The following CTSZ variants were observed in gnomAD, a reference collection of about 807,000 sequenced individuals.
The protein encoded by CTSZ is carboxypeptidase LB.
Under a neutral mutation model 32.4 loss-of-function variants are expected in CTSZ, and 39 were observed. The observed-to-expected ratio is 1.20, with a 90% confidence interval of 0.93 to 1.57. The LOEUF is 1.57. CTSZ is among the 40% of genes most tolerant of loss of function. The pLI is 0.00. For synonymous variants in CTSZ, 168 were observed against 170.1 expected, an observed-to-expected ratio of 0.99 and a Z score of 0.10; for missense variants, 397 against 419.6, an observed-to-expected ratio of 0.95 and a Z score of 0.47.
Position 58,997,700 on chromosome 20 carries a change from C to T in CTSZ, c.541G>A (p.Ala181Thr), listed in dbSNP as rs1334279300. ...GTCNEFKECH[A>T]IRNYTLWRVG... Reference sequence around the variant, plus strand: ...CTCCAGAGGGTGTAGTTCCGGATGGCGTGGCACTCTTTGAATTCATTGCAT... The same window carrying T: ...CTCCAGAGGGTGTAGTTCCGGATGGTGTGGCACTCTTTGAATTCATTGCAT... The change falls in exon 4 of 6, where the codon GCC (alanine) becomes ACC (threonine). Residue 181 changes from alanine to threonine, a missense_variant. Ala to Thr is a moderately conservative substitution (Grantham distance 58). Transcript: ENST00000217131. 8 of 1,608,596 alleles carry T rather than the reference C, an allele frequency of 5.0e-6. No individual in the cohort carries two copies. The highest frequency in any genetic ancestry group is 5.9e-6 in the Non-Finnish European group (7 of 1,177,564).
At position 59,002,861 on chromosome 20, in the gene CTSZ, C is replaced by G. The variant is rs1298393988; in HGVS notation, c.308-1217G>C. Among the ~76,000 whole-genome samples, 1 of 152,086 alleles carries G rather than the reference C, an allele frequency of 6.6e-6. No individual in the cohort carries two copies. Among genetic ancestry groups the G allele is most frequent in the African/African-American group, 2.4e-5 (1 of 41,408 alleles). On this transcript the variant is annotated intron_variant, in intron 2 of 5. Transcript: ENST00000217131. This position sits in a 1 kb window ranked among gnomAD's most constrained non-coding sequence, Gnocchi z 4.1. Reference sequence around the variant, plus strand: ...CTTGGCTCCCTCCAGCTTTCCTTCTCCCCGCTCCCTTGTCAGCTATGCCCC... The same window carrying G: ...CTTGGCTCCCTCCAGCTTTCCTTCTGCCCGCTCCCTTGTCAGCTATGCCCC...
chr20:58,995,384 C>T lies in CTSZ; in HGVS notation c.*265G>A, dbSNP rs1569061425. 5 of 398,440 alleles carry T rather than the reference C, an allele frequency of 1.3e-5. No homozygotes were observed. The highest frequency in any genetic ancestry group is 1.2e-4 in the East Asian group (3 of 24,344). 24.7% of individuals were successfully genotyped at this position (398,440 alleles called of 1,614,324 possible). On this transcript the variant is annotated 3_prime_UTR_variant, in exon 6 of 6. Transcript: ENST00000217131. ...GTCCTCTGCTGAAGAAGACTGAGGT[C>T]CCATCGTTTCCTGTGTCGCAGGTCA...
At chr20:59,006,728 C>T (rs962822372) in intron 1 of CTSZ, among the ~76,000 whole-genome samples, 3 of 152,210 alleles carry the variant, frequency 2.0e-5, no homozygotes, top group Non-Finnish European at 4.4e-5. Context: ...CCAGCCATGC[C>T]GCGCCGTAAG....
At chr20:59,001,167 T>A (rs1051250920) in intron 3 of CTSZ, among the ~76,000 whole-genome samples, 1 of 152,144 alleles carries the variant, frequency 6.6e-6, no homozygotes, top group Non-Finnish European at 1.5e-5. Flanking sequence ...AGCAGGCTTT[T>A]TCGTTGGGCT....
chr20:59,006,923 G>A lies in CTSZ; in HGVS notation c.143+63C>T, dbSNP rs1023984727. On this transcript the variant is annotated intron_variant, in intron 1 of 5. Transcript: ENST00000217131. ...ACGCAGGGCCCCCAGGAGGCAGAGC[G>A]CGCGCCTGGCCCGGGCGATGGGCCT... 5 of 1,306,196 alleles carry A rather than the reference G, an allele frequency of 3.8e-6. No homozygotes were observed. In the African/African-American group the frequency reaches 6.3e-5, roughly 16 times the overall value. 80.9% of individuals were successfully genotyped at this position (1,306,196 alleles called of 1,614,324 possible).
chr20:58,997,820 C>A (rs2091869046), intron 3 of CTSZ, 67 bp from the exon 4 acceptor site: 1 of 1,432,150 alleles, frequency 7.0e-7, no homozygotes, highest in African/African-American at 1.4e-5. Context: ...AAGAAGCCCG[C>A]CAAGCCCACT....
rs577343015 is a variant in CTSZ, at chr20:59,007,241, C to T, written c.-113G>A. On this transcript the variant is annotated 5_prime_UTR_variant, in exon 1 of 6. Transcript: ENST00000217131. ...CCTCGGCCTCGGCCCAGCACCCGGC[C>T]GACCCCGCACTTTGGGCCCCTGCCC... 1.7e-5 allele frequency: 21 copies of T among 1,226,350 alleles called. No homozygotes were observed. Among genetic ancestry groups the T allele is most frequent in the East Asian group, 3.4e-5 (1 of 29,332 alleles). 76.0% of individuals were successfully genotyped at this position (1,226,350 alleles called of 1,614,324 possible).
Position 58,996,637 on chromosome 20 carries a change from A to G in CTSZ, c.801+2T>C. The G allele has an allele frequency of 6.2e-7, 1 of 1,613,988 alleles. No individual in the cohort carries two copies. Among genetic ancestry groups the G allele is most frequent in the South Asian group, 1.1e-5 (1 of 91,080 alleles). ...GACCTTAAGAAAATGAAAACATCTT[A>G]CCCATGGTTCACCCCATGAATTCCG... On this transcript the variant is annotated splice_donor_variant, in intron 5 of 5. Coordinates refer to ENST00000217131, the MANE Select transcript of CTSZ (RefSeq NM_001336.4). LOFTEE classifies it high-confidence loss of function.
intron 3 of CTSZ, among the ~76,000 whole-genome samples, chr20:58,999,868 G>C (rs977499530): frequency 6.6e-6 from 1 of 151,908 alleles, no homozygotes; most frequent in Non-Finnish European, 1.5e-5. Flanking sequence ...AGGAGATCAA[G>C]ACCATCCTGG....
In CTSZ at chr20:58,995,749, C is replaced by A; in HGVS notation, c.812G>T (p.Gly271Val). The change falls in exon 6 of 6, where the codon GGC (glycine) becomes GTC (valine). Residue 271 changes from glycine to valine, a missense_variant. Physicochemically the swap from Gly to Val is moderately radical, Grantham distance 109. Coordinates refer to ENST00000217131, the MANE Select transcript of CTSZ (RefSeq NM_001336.4). Reference protein sequence around the residue: ...NSWGEPWGERGWLRIVTSTYK... With the variant: ...NSWGEPWGERVWLRIVTSTYK... Reference sequence around the variant, plus strand: ...GGTGCTGGTCACGATCCTCAGCCAGCCTCTCTCGCCCTGTGAGAAGTGGGA... The same window carrying A: ...GGTGCTGGTCACGATCCTCAGCCAGACTCTCTCGCCCTGTGAGAAGTGGGA... 1 of 1,614,090 alleles carries A rather than the reference C, an allele frequency of 6.2e-7. No individual in the cohort carries two copies. Among genetic ancestry groups the A allele is most frequent in the Non-Finnish European group, 8.5e-7 (1 of 1,179,976 alleles).
intron 2 of CTSZ, among the ~76,000 whole-genome samples, chr20:59,003,536 G>A (rs1490208153): frequency 1.3e-5 from 2 of 152,238 alleles, no homozygotes; most frequent in Non-Finnish European, 2.9e-5. Flanking sequence ...ACTTACGAGG[G>A]GGTTGTCGGG....
chr20:59,003,980 T>A (rs1418034693), intron 2 of CTSZ, among the ~76,000 whole-genome samples: 1 of 152,102 alleles, frequency 6.6e-6, no homozygotes, highest in East Asian at 1.9e-4. Context: ...TGGGGCGGTG[T>A]GGCTTAGACC....
Position 58,997,756 on chromosome 20 carries a change from G to C in CTSZ, c.488-3C>G. 1.3e-6 allele frequency: 2 copies of C among 1,592,050 alleles called. No individual in the cohort carries two copies. Among genetic ancestry groups the C allele is most frequent in the Admixed American group, 1.8e-5 (1 of 56,386 alleles). On this transcript the variant is annotated splice_region_variant and splice_polypyrimidine_tract_variant and intron_variant, in intron 3 of 5. Transcript: ENST00000217131. The stretch of plus-strand genomic sequence containing the variant: ...ACATTGGTTAAACTTGTCACACTCT[G>C]GGGGAGAGCAAGAAAAGTCAGCATG...
At position 59,004,130 on chromosome 20, in the gene CTSZ, GAC is replaced by G. The variant is rs2091900205; in HGVS notation, c.307+2190_307+2191del. ...AGGCTTTTGCCTGCATAGCCGGAAG[GAC>G]AGCCAGGGAGGACTGGGGAAGAAAT... On this transcript the variant is annotated intron_variant, in intron 2 of 5. Transcript: ENST00000217131. The surrounding 1 kb of genome is among the most constrained non-coding windows in gnomAD (Gnocchi z 5.6). Among the ~76,000 whole-genome samples the G allele has an allele frequency of 6.6e-6, 1 of 152,232 alleles. No individual in the cohort carries two copies. The highest frequency in any genetic ancestry group is 1.5e-5 in the Non-Finnish European group (1 of 68,032).
At chr20:58,998,237 A>G (rs1349388774) in intron 3 of CTSZ, among the ~76,000 whole-genome samples, 2 of 151,732 alleles carry the variant, frequency 1.3e-5, no homozygotes, top group Non-Finnish European at 2.9e-5. Context: ...TTAAGAGGTT[A>G]TCAAGAATTA....
In CTSZ at chr20:58,997,633, A is replaced by G. The variant is rs773178480; in HGVS notation, c.608T>C (p.Met203Thr). The change falls in exon 4 of 6, where the codon ATG (methionine) becomes ACG (threonine). Residue 203 changes from methionine (M) to threonine (T), a missense_variant. Met to Thr is a moderately conservative substitution (Grantham distance 81, BLOSUM62 -1). Coordinates refer to ENST00000217131, the MANE Select transcript of CTSZ (RefSeq NM_001336.4). ...YGSLSGREKM[M>T]AEIYANGPIS... ...GGGACCATTTGCATAGATTTCTGCC[A>G]TCATCTTCTCCCTCCCAGAGAGGGA... 5.0e-6 allele frequency: 8 copies of G among 1,603,612 alleles called. No homozygotes were observed. Among genetic ancestry groups the G allele is most frequent in the South Asian group, 1.1e-5 (1 of 88,936 alleles).
At position 58,997,584 on chromosome 20, in the gene CTSZ, C is replaced by T. The variant is rs145264817; in HGVS notation, c.638+19G>A. 8.7e-5 allele frequency: 133 copies of T among 1,529,394 alleles called. No individual in the cohort carries two copies. The African/African-American group carries it at 1.6e-3, about 18-fold the overall frequency. The allele number at this position is 1,529,394 out of a possible 1,614,324, so 94.7% of individuals were successfully genotyped here. On this transcript the variant is annotated intron_variant, in intron 4 of 5. Transcript: ENST00000217131. ...TCCTCACCCGCAAACCTCTCTTTGC[C>T]CGCGGGACCTCTCCTCACCTGATGG... is the stretch of plus-strand genomic sequence containing the variant.
rs1265779805 is a variant in CTSZ, at chr20:59,002,213, G to A, written c.308-569C>T. On this transcript the variant is annotated intron_variant, in intron 2 of 5. Transcript: ENST00000217131. The surrounding 1 kb of genome is among the most constrained non-coding windows in gnomAD (Gnocchi z 4.1). Reference sequence around the variant, plus strand: ...GGATGCAGAGGGCTCCCAGCGGCTGGCTGACCATGCCCTCACTGCCCAGGT... The same window carrying A: ...GGATGCAGAGGGCTCCCAGCGGCTGACTGACCATGCCCTCACTGCCCAGGT... Among the ~76,000 whole-genome samples, 3 of 152,190 alleles carry A rather than the reference G, an allele frequency of 2.0e-5. No homozygotes were observed.
In CTSZ at chr20:59,007,061, C is replaced by A. The variant is rs1425887224; in HGVS notation, c.68G>T (p.Gly23Val). 6.8e-7 allele frequency: 1 copy of A among 1,465,034 alleles called. No individual in the cohort carries two copies. Among genetic ancestry groups the A allele is most frequent in the Non-Finnish European group, 9.0e-7 (1 of 1,114,572 alleles). 90.8% of individuals were successfully genotyped at this position (1,465,034 alleles called of 1,614,324 possible). The change falls in exon 1 of 6, where the codon GGC becomes GTC. Residue 23 changes from glycine to valine, a missense_variant. Gly to Val is a moderately radical substitution (Grantham distance 109). Transcript: ENST00000217131. ...CTGTCCCCGGCGGAAGTAGAGGCCG[C>A]CCTGCGCCGCGCCCGCCAGCAGCAC... ...LLVLLAGAAQ[G>V]GLYFRRGQTC...
Sources: allele counts gnomAD v4.1 joint callset (sites outside exome capture counted in the v4.1 genomes callset), GRCh38; gene constraint gnomAD v4.1.1; non-coding constraint Gnocchi (gnomAD v3.1); transcripts MANE v1.5; gene names NCBI Gene and HGNC (gene_info 2026-07-23, HGNC 2026-07-21).